Variants in ATP6V0A2 observed in about 807,000 individuals in gnomAD.
The protein encoded by ATP6V0A2 is ATPase H+ transporting V0 subunit a2.
A neutral mutation model predicts 104.4 loss-of-function variants in ATP6V0A2; 58 were observed. The ratio of observed to expected loss-of-function variants is 0.56; its 90% CI spans 0.45 to 0.69. The LOEUF (loss-of-function observed/expected upper bound fraction) is 0.69, where lower values mean the gene tolerates loss of function less well. ATP6V0A2 is among the 30% of genes least tolerant of loss of function. The probability of loss-of-function intolerance (pLI) is 0.00; values close to 1 mark genes in which losing one functional copy is unlikely to be tolerated. For missense variants in ATP6V0A2, 938 were observed against 1,062.9 expected (o/e 0.88, Z 1.63); for synonymous variants, 376 against 397.9 (o/e 0.95, Z 0.65).
intron 6 of ATP6V0A2, among the ~76,000 whole-genome samples, chr12:123,728,359 A>G (rs1956467544): frequency 6.8e-6 from 1 of 148,112 alleles, no homozygotes. Context: ...AGCCTCCCAA[A>G]GTGTTGGGAT....
At chr12:123,738,971 A>G (rs1191531267) in intron 9 of ATP6V0A2, 1 of 152,196 alleles carries the variant, frequency 6.6e-6, no homozygotes, top group African/African-American at 2.4e-5. Context: ...AGTAGGAACC[A>G]CCTATTTGAG....
intron 6 of ATP6V0A2, chr12:123,730,866 C>G (rs1956495793): frequency 6.6e-6 from 1 of 152,202 alleles, no homozygotes; most frequent in African/African-American, 2.4e-5. Flanking sequence ...ACCACCACTC[C>G]TGGCTAATTT....
chr12:123,740,198 C>G (rs1375610952), intron 9 of ATP6V0A2, among the ~76,000 whole-genome samples: 1 of 119,660 alleles, frequency 8.4e-6, no homozygotes, highest in African/African-American at 3.2e-5. Flanking sequence ...ATGTCTCTCT[C>G]TCTCTCTTTT....
At chr12:123,736,455 G>C (rs972384247) in intron 8 of ATP6V0A2, among the ~76,000 whole-genome samples, 2 of 152,120 alleles carry the variant, frequency 1.3e-5, no homozygotes, top group African/African-American at 4.8e-5. Context: ...GCCTCCCAGA[G>C]TGCTGGGATT....
chr12:123,726,307 G>T (rs776926850), intron 5 of ATP6V0A2, 22 bp downstream of exon 5: 1 of 1,570,380 alleles, frequency 6.4e-7, no homozygotes, highest in Admixed American at 1.7e-5. Flanking sequence ...GGCCTGGGGT[G>T]TCAGGCTTCA....
chr12:123,744,142 T>C lies in ATP6V0A2; in HGVS notation c.1190-59T>C. ...ATTGTTATGTATCATTGTGTTTGAATGAACTCAGGTTTTCCATATTTGCTG... is the reference window on the plus strand; with the variant it reads ...ATTGTTATGTATCATTGTGTTTGAACGAACTCAGGTTTTCCATATTTGCTG... On this transcript the variant is annotated intron_variant, in intron 10 of 19. Transcript: ENST00000330342. The surrounding 1 kb of genome is among the most constrained non-coding windows in gnomAD (Gnocchi z 5.4). 2.5e-6 allele frequency: 4 copies of C among 1,607,780 alleles called. No individual in the cohort carries two copies. The South Asian group carries it at 3.3e-5, about 13-fold the overall frequency.
chr12:123,732,430 G>A (rs1179865569), intron 6 of ATP6V0A2: 4 of 152,444 alleles, frequency 2.6e-5, no homozygotes, highest in Non-Finnish European at 5.9e-5. Context: ...GACCCTCCAG[G>A]GGCTTCCTGT....
chr12:123,758,054 G>A lies in ATP6V0A2; in HGVS notation c.*22G>A. The A allele has an allele frequency of 2.0e-6, 3 of 1,499,538 alleles. No individual in the cohort carries two copies. Among genetic ancestry groups the A allele is most frequent in the Non-Finnish European group, 2.8e-6 (3 of 1,076,190 alleles). The allele number at this position is 1,499,538 out of a possible 1,614,324, so 92.9% of individuals were successfully genotyped here. On this transcript the variant is annotated 3_prime_UTR_variant, in exon 20 of 20. Transcript: ENST00000330342. ...ATGATCATATTGCTGTAACCAACAA[G>A]CTTTCAGATTTATGGAGAATGACCA... is the stretch of plus-strand genomic sequence containing the variant.
intron 13 of ATP6V0A2, among the ~76,000 whole-genome samples, chr12:123,746,202 G>T (rs1460891629): frequency 6.6e-6 from 1 of 150,520 alleles, no homozygotes; most frequent in Non-Finnish European, 1.5e-5. Flanking sequence ...TTTTTTTTTT[G>T]GGAGGCATAG....
At chr12:123,739,461 G>T (rs781432484) in intron 9 of ATP6V0A2, among the ~76,000 whole-genome samples, 1 of 152,178 alleles carries the variant, frequency 6.6e-6, no homozygotes, top group Admixed American at 6.5e-5. Flanking sequence ...TAGTCAGCTT[G>T]TGTCTACAGG....
intron 19 of ATP6V0A2, 94 bp downstream of exon 19, chr12:123,757,080 A>T: frequency 1.5e-6 from 2 of 1,340,788 alleles, no homozygotes; most frequent in Non-Finnish European, 1.1e-6. Flanking sequence ...CCCCTGCAAA[A>T]TCTAATGCTG....
At chr12:123,736,296 A>G (rs1475996621) in intron 8 of ATP6V0A2, among the ~76,000 whole-genome samples, 4 of 150,064 alleles carry the variant, frequency 2.7e-5, no homozygotes, top group Non-Finnish European at 2.9e-5. Context: ...GGTTCAAGCA[A>G]TTCTCCTGCC....
At chr12:123,754,275 T>A (rs1399263655) in intron 17 of ATP6V0A2, 145 bp from the exon 18 acceptor site, 2 of 700,904 alleles carry the variant, frequency 2.9e-6, no homozygotes, top group Non-Finnish European at 5.2e-6. Flanking sequence ...CGTCTGGGGT[T>A]TCTGTTCCTC....
chr12:123,713,519 T>C (rs1046662524), intron 1 of ATP6V0A2, among the ~76,000 whole-genome samples: 2 of 152,148 alleles, frequency 1.3e-5, no homozygotes, highest in Admixed American at 6.5e-5. Context: ...TAGGCATTTG[T>C]TGAATGAACA....
chr12:123,749,957 G>A (rs780386371), intron 15 of ATP6V0A2: 5 of 152,174 alleles, frequency 3.3e-5, no homozygotes, highest in Non-Finnish European at 5.9e-5. Context: ...CTTTGGCCTC[G>A]TTGACGAGAT....
At chr12:123,738,046 T>C (rs1326912309) in intron 9 of ATP6V0A2, among the ~76,000 whole-genome samples, 1 of 152,246 alleles carries the variant, frequency 6.6e-6, no homozygotes. Context: ...GGACTGATTT[T>C]GATAGATGTT....
At position 123,754,432 on chromosome 12, in the gene ATP6V0A2, G is replaced by C; in HGVS notation, c.2188G>C (p.Glu730Gln). ...TGATCTCTCTCAGTTTAATTTTGGA[G>C]AAATATTAATGACCCAAGTAATCCA... ...EMACEEFNFG[E>Q]ILMTQVIHSI... The change falls in exon 18 of 20, where the codon GAA becomes CAA. Residue 730 changes from glutamate to glutamine, a missense_variant. Coordinates refer to ENST00000330342, the MANE Select transcript of ATP6V0A2 (RefSeq NM_012463.4). 1 of 1,611,700 alleles carries C rather than the reference G, an allele frequency of 6.2e-7. No individual in the cohort carries two copies. The highest frequency in any genetic ancestry group is 2.2e-5 in the East Asian group (1 of 44,864).
chr12:123,750,207 G>GT (rs920425655), intron 15 of ATP6V0A2: 2 of 152,174 alleles, frequency 1.3e-5, no homozygotes, highest in African/African-American at 4.8e-5. Context: ...TCCTTACTTA[G>GT]TGTTTCTTAA....
chr12:123,745,069 C>A, intron 13 of ATP6V0A2, 97 bp downstream of exon 13: 1 of 1,237,488 alleles, frequency 8.1e-7, no homozygotes, highest in Non-Finnish European at 1.2e-6. Flanking sequence ...GCAGGGTTCA[C>A]GCTGCCCTGA....
Sources: allele counts gnomAD v4.1 joint callset (sites outside exome capture counted in the v4.1 genomes callset), GRCh38; gene constraint gnomAD v4.1.1; non-coding constraint Gnocchi (gnomAD v3.1); transcripts MANE v1.5; gene names NCBI Gene and HGNC (gene_info 2026-07-23, HGNC 2026-07-21).